Variants in TXNDC12 observed in about 807,000 individuals in gnomAD.
TXNDC12 encodes thioredoxin domain containing 12.
In TXNDC12, 22 loss-of-function variants were observed where a neutral mutation model predicts 24.2. The observed-to-expected ratio is 0.91, with a 90% CI of 0.65 to 1.30. The LOEUF is 1.30. Among genes scored for constraint, TXNDC12 ranks in the 50% most tolerant of loss-of-function variants. The probability of loss-of-function intolerance (pLI) is 0.00; values close to 1 mark genes in which losing one functional copy is unlikely to be tolerated. For synonymous variants in TXNDC12, 58 were observed against 73.4 expected (o/e 0.79, Z 1.07); for missense variants, 184 against 205.8 (o/e 0.89, Z 0.65).
chr1:52,029,811 C>A (rs188198732), intron 2 of TXNDC12, among the ~76,000 whole-genome samples: 175 of 152,260 alleles, frequency 1.1e-3, no homozygotes, highest in Non-Finnish European at 1.9e-3. Flanking sequence ...TCACCTTAGG[C>A]CTACCTCACA....
intron 4 of TXNDC12, among the ~76,000 whole-genome samples, chr1:52,026,181 C>T (rs943057672): frequency 6.6e-6 from 1 of 152,102 alleles, no homozygotes; most frequent in African/African-American, 2.4e-5. Context: ...CATCATAGAG[C>T]ATCTGAGTAC....
intron 1 of TXNDC12, among the ~76,000 whole-genome samples, chr1:52,043,202 T>G (rs1293948354): frequency 1.3e-5 from 2 of 152,232 alleles, no homozygotes; most frequent in Non-Finnish European, 2.9e-5. Context: ...TCTTCTGGTA[T>G]ATCTTCCCTG....
chr1:52,020,463 A>T lies in TXNDC12; in HGVS notation c.*470T>A, dbSNP rs779874424. ...GATATCCTTGGTAGGGGGTAGAATA[A>T]CTGATTTACACTTAGGATTTATTGT... On this transcript the variant is annotated 3_prime_UTR_variant, in exon 7 of 7. Transcript: ENST00000371626. 1 of 239,306 alleles carries T rather than the reference A, an allele frequency of 4.2e-6. No individual in the cohort carries two copies. Among genetic ancestry groups the T allele is most frequent in the Non-Finnish European group, 8.3e-6 (1 of 121,036 alleles). The allele number at this position is 239,306 out of a possible 1,614,324, so 14.8% of individuals were successfully genotyped here. A position where few individuals can be genotyped will look rare whatever the true frequency, so the allele number is the denominator to read the frequency against.
chr1:52,024,612 T>C, intron 4 of TXNDC12, 33 bp from the exon 5 acceptor site: 1 of 1,534,784 alleles, frequency 6.5e-7, no homozygotes, highest in Non-Finnish European at 8.9e-7. Context: ...TTAAGTCAGA[T>C]AACGTCCTCT....
At chr1:52,052,573 C>T (rs1686236248) in intron 1 of TXNDC12, 1 of 167,578 alleles carries the variant, frequency 6.0e-6, no homozygotes, top group African/African-American at 2.4e-5. Flanking sequence ...GGAGAGGTAA[C>T]CAGCTTAGCC....
In TXNDC12 at chr1:52,028,631, C is replaced by T. The variant is rs1269777439; in HGVS notation, c.159-1G>A. 9 of 1,608,540 alleles carry T rather than the reference C, an allele frequency of 5.6e-6. No homozygotes were observed. The highest frequency in any genetic ancestry group is 7.6e-6 in the Non-Finnish European group (9 of 1,178,180). ...AATAATCACCATCAGGGGCAGTCCA[C>T]TTAAAAGCAAAACAAAGAAATTATA... On this transcript the variant is annotated splice_acceptor_variant, in intron 2 of 6. Coordinates refer to ENST00000371626, the MANE Select transcript of TXNDC12 (RefSeq NM_015913.4). LOFTEE classifies it high-confidence loss of function.
At chr1:52,021,531 T>A (rs1685596672) in intron 6 of TXNDC12, among the ~76,000 whole-genome samples, 1 of 128,512 alleles carries the variant, frequency 7.8e-6, no homozygotes, top group African/African-American at 3.1e-5. Context: ...CAGTATCAAC[T>A]ATACATGGAT....
At chr1:52,030,433 A>G (rs938080157) in intron 2 of TXNDC12, 3 of 152,284 alleles carry the variant, frequency 2.0e-5, no homozygotes, top group Non-Finnish European at 4.4e-5. Flanking sequence ...ACTTCAATTT[A>G]GAATGGTAAT....
intron 3 of TXNDC12, among the ~76,000 whole-genome samples, chr1:52,027,617 G>GA (rs1685689229): frequency 1.3e-5 from 2 of 152,012 alleles, no homozygotes; most frequent in South Asian, 4.1e-4. Flanking sequence ...GAATAGGGGG[G>GA]AAAAGCATTA....
chr1:52,051,155 A>G (rs1686192623), intron 1 of TXNDC12, among the ~76,000 whole-genome samples: 1 of 152,198 alleles, frequency 6.6e-6, no homozygotes, highest in African/African-American at 2.4e-5. Context: ...AGGATAGTAA[A>G]TGTACAGTAA....
intron 1 of TXNDC12, among the ~76,000 whole-genome samples, chr1:52,044,980 A>AC (rs536264264): frequency 3.5e-4 from 53 of 152,252 alleles, no homozygotes; most frequent in African/African-American, 1.2e-3. Context: ...GTCTCAAAAA[A>AC]AAAAAAAGAA....
intron 4 of TXNDC12, among the ~76,000 whole-genome samples, chr1:52,025,031 C>T (rs1434285663): frequency 6.6e-6 from 1 of 152,182 alleles, no homozygotes; most frequent in African/African-American, 2.4e-5. Flanking sequence ...TATTTTCTGT[C>T]TTCCCACACT....
At chr1:52,025,155 G>A (rs1557990311) in intron 4 of TXNDC12, among the ~76,000 whole-genome samples, 2 of 151,834 alleles carry the variant, frequency 1.3e-5, no homozygotes, top group Admixed American at 1.3e-4. Flanking sequence ...AATAAGACTG[G>A]CATTTTAGTC....
At chr1:52,024,184 G>A (rs965529418) in intron 5 of TXNDC12, among the ~76,000 whole-genome samples, 3 of 151,904 alleles carry the variant, frequency 2.0e-5, no homozygotes, top group African/African-American at 7.3e-5. Flanking sequence ...TTGTAGAGAC[G>A]GGCTTTCACC....
chr1:52,037,133 G>A (rs983250658), intron 2 of TXNDC12, among the ~76,000 whole-genome samples: 4 of 150,764 alleles, frequency 2.7e-5, no homozygotes, highest in African/African-American at 4.9e-5. Flanking sequence ...TGTGTGTAAT[G>A]AACCTTAAAG....
chr1:52,049,753 G>C (rs1686163736), intron 1 of TXNDC12, among the ~76,000 whole-genome samples: 1 of 151,498 alleles, frequency 6.6e-6, no homozygotes, highest in Non-Finnish European at 1.5e-5. Context: ...GCCCATGCTG[G>C]TTTTGAACTC....
At chr1:52,034,158 T>A (rs1194033783) in intron 2 of TXNDC12, 12 of 834,550 alleles carry the variant, frequency 1.4e-5, no homozygotes, top group African/African-American at 3.5e-5. Context: ...CTACTGGCTC[T>A]CAGTAAATGT....
chr1:52,042,384 A>G (rs939148695), intron 1 of TXNDC12, among the ~76,000 whole-genome samples: 11 of 152,108 alleles, frequency 7.2e-5, no homozygotes, highest in Non-Finnish European at 1.5e-4. Flanking sequence ...CTTTCAGAAT[A>G]TGGCACCTGC....
Position 52,020,868 on chromosome 1 carries a change from T to C in TXNDC12, c.*65A>G. ...TTAATTGTTCTAGATGATTCCTCAATATTCCCTTCCCTGCTGCTTTCCTTC... is the reference window on the plus strand; with the variant it reads ...TTAATTGTTCTAGATGATTCCTCAACATTCCCTTCCCTGCTGCTTTCCTTC... On this transcript the variant is annotated 3_prime_UTR_variant, in exon 7 of 7. Coordinates refer to ENST00000371626, the MANE Select transcript of TXNDC12 (RefSeq NM_015913.4). The C allele has an allele frequency of 7.2e-7, 1 of 1,383,922 alleles. No homozygotes were observed. Among genetic ancestry groups the C allele is most frequent in the East Asian group, 2.3e-5 (1 of 43,552 alleles). 85.7% of individuals were successfully genotyped at this position (1,383,922 alleles called of 1,614,324 possible). A position where few individuals can be genotyped will look rare whatever the true frequency, so the allele number is the denominator to read the frequency against.
Sources: gnomAD v4.1 joint callset for allele counts (sites outside exome capture counted in the v4.1 genomes callset) on GRCh38, gnomAD v4.1.1 for gene constraint, MANE v1.5 for transcripts, NCBI Gene and HGNC (gene_info 2026-07-23, HGNC 2026-07-21) for gene names.